Variants in PLXDC2 observed in about 807,000 individuals in gnomAD.
PLXDC2 encodes the protein plexin domain-containing protein 2.
PLXDC2 carries 40 observed loss-of-function variants against 68.9 expected under a neutral mutation model. The observed-to-expected ratio is 0.58, with a 90% CI of 0.45 to 0.76. The LOEUF is 0.76. Ranked by LOEUF, PLXDC2 falls within the 30% of genes least tolerant of loss-of-function variation. PLXDC2 has a pLI of 0.00. For missense variants in PLXDC2, 644 were observed against 661.9 expected (o/e 0.97, Z 0.30); for synonymous variants, 243 against 234.2 (o/e 1.04, Z -0.34).
At chr10:20,054,924 A>T (rs1188895967) in intron 3 of PLXDC2, among the ~76,000 whole-genome samples, 1 of 152,152 alleles carries the variant, frequency 6.6e-6, no homozygotes, top group Non-Finnish European at 1.5e-5. Context: ...ATTTCTATTT[A>T]TATCTTTCTA....
intron 9 of PLXDC2, among the ~76,000 whole-genome samples, chr10:20,207,980 T>C (rs1467412283): frequency 1.3e-5 from 2 of 152,050 alleles, no homozygotes; most frequent in Admixed American, 6.6e-5. Flanking sequence ...GAAAGAGCTA[T>C]CATGTGGACT....
At chr10:20,179,016 TA>T in intron 9 of PLXDC2, among the ~76,000 whole-genome samples, 1 of 152,142 alleles carries the variant, frequency 6.6e-6, no homozygotes, top group Non-Finnish European at 1.5e-5. Context: ...TATCAGAAGT[TA>T]TTCAAAATCT....
intron 4 of PLXDC2, among the ~76,000 whole-genome samples, chr10:20,081,755 G>T (rs1295018170): frequency 6.6e-6 from 1 of 152,038 alleles, no homozygotes; most frequent in East Asian, 1.9e-4. Flanking sequence ...AACAGGAGAA[G>T]TCTGGCCGGG....
chr10:20,209,610 C>T (rs772182973), intron 9 of PLXDC2, among the ~76,000 whole-genome samples: 3 of 151,904 alleles, frequency 2.0e-5, no homozygotes, highest in Non-Finnish European at 1.5e-5. Context: ...GGCTGTGTTC[C>T]GCCCGGCTCA....
In PLXDC2 at chr10:19,946,693, G is replaced by A. The variant is rs75722387; in HGVS notation, c.113-55082G>A. ...GATTCAAACACATTGCATTTATTGT[G>A]CACTTTATCTCAACTAGACAGTCCC... On this transcript the variant is annotated intron_variant, in intron 1 of 13. Transcript: ENST00000377252. Among the ~76,000 whole-genome samples the A allele has an allele frequency of 9.7e-3, 1,475 of 151,988 alleles. 25 individuals are homozygous for A. The highest frequency in any genetic ancestry group is 0.033 in the African/African-American group (1,371 of 41,428).
intron 1 of PLXDC2, among the ~76,000 whole-genome samples, chr10:19,972,972 G>T (rs1470942050): frequency 6.6e-6 from 1 of 151,914 alleles, no homozygotes; most frequent in African/African-American, 2.4e-5. Context: ...TTTTGCTAAA[G>T]GAAAAACCTA....
chr10:19,990,603 T>A (rs1834730652), intron 1 of PLXDC2, among the ~76,000 whole-genome samples: 1 of 152,192 alleles, frequency 6.6e-6, no homozygotes, highest in Admixed American at 6.5e-5. Flanking sequence ...TCTTAACTGG[T>A]TGTTTGTATG....
At chr10:20,266,764 T>C (rs1158511008) in intron 13 of PLXDC2, among the ~76,000 whole-genome samples, 1 of 152,312 alleles carries the variant, frequency 6.6e-6, no homozygotes, top group East Asian at 1.9e-4. Flanking sequence ...AAATATCATC[T>C]TATTCTTGGT....
At chr10:19,955,269 A>T (rs1834051736) in intron 1 of PLXDC2, among the ~76,000 whole-genome samples, 1 of 151,360 alleles carries the variant, frequency 6.6e-6, no homozygotes, top group African/African-American at 2.4e-5. Context: ...CCTGGCCTCA[A>T]GGGATCCTCC....
At chr10:20,115,687 C>T (rs1227922532) in intron 4 of PLXDC2, among the ~76,000 whole-genome samples, 1 of 152,128 alleles carries the variant, frequency 6.6e-6, no homozygotes, top group African/African-American at 2.4e-5. Context: ...CCCCATACTT[C>T]CCATATCTAA....
intron 11 of PLXDC2, 136 bp downstream of exon 11, chr10:20,217,712 TG>T (rs1319894371): frequency 6.9e-6 from 8 of 1,157,496 alleles, no homozygotes; most frequent in Admixed American, 8.2e-5. Flanking sequence ...TTTGGCAAAC[TG>T]GATTTCTAAG....
At chr10:19,925,207 C>G (rs1219510536) in intron 1 of PLXDC2, among the ~76,000 whole-genome samples, 1 of 151,920 alleles carries the variant, frequency 6.6e-6, no homozygotes, top group East Asian at 1.9e-4. Context: ...TGCAGCTCAG[C>G]TGGAACCAGG....
intron 9 of PLXDC2, among the ~76,000 whole-genome samples, chr10:20,187,847 GTATTT>G (rs758959510): frequency 6.1e-4 from 92 of 151,818 alleles, no homozygotes; most frequent in Non-Finnish European, 4.7e-4. Flanking sequence ...GTGTAAACAT[GTATTT>G]TAAATGTCTT....
In PLXDC2 at chr10:19,817,285, C is replaced by T; in HGVS notation, c.112+94C>T. 3 of 1,016,066 alleles carry T rather than the reference C, an allele frequency of 3.0e-6. No individual in the cohort carries two copies. The South Asian group carries it at 4.3e-5, about 14-fold the overall frequency. 62.9% of individuals were successfully genotyped at this position (1,016,066 alleles called of 1,614,324 possible). A position where few individuals can be genotyped will look rare whatever the true frequency, so the allele number is the denominator to read the frequency against. ...CCCTACCCTCTCCCCCCAACATCACCTATCTGCCCTTGGGAAACTTATTGC... is the reference window on the plus strand; with the variant it reads ...CCCTACCCTCTCCCCCCAACATCACTTATCTGCCCTTGGGAAACTTATTGC... On this transcript the variant is annotated intron_variant, in intron 1 of 13. Coordinates refer to ENST00000377252, the MANE Select transcript of PLXDC2 (RefSeq NM_032812.9).
At chr10:20,080,931 G>A (rs1479810395) in intron 4 of PLXDC2, among the ~76,000 whole-genome samples, 1 of 152,214 alleles carries the variant, frequency 6.6e-6, no homozygotes, top group African/African-American at 2.4e-5. Flanking sequence ...TAGAATTTCA[G>A]TGTGGATTGG....
chr10:19,923,377 A>G (rs1373237971), intron 1 of PLXDC2, among the ~76,000 whole-genome samples: 2 of 152,358 alleles, frequency 1.3e-5, no homozygotes, highest in East Asian at 1.9e-4. Context: ...TTGATGAAAC[A>G]TAAGCACATT....
Position 19,910,776 on chromosome 10 carries a change from C to T in PLXDC2, c.113-90999C>T, listed in dbSNP as rs572049001. Reference sequence around the variant, plus strand: ...CTGTAATCCCAGCACTTTGGGAGGCCGAGGCAGGTGAATCATGAGGTCAGG... The same window carrying T: ...CTGTAATCCCAGCACTTTGGGAGGCTGAGGCAGGTGAATCATGAGGTCAGG... On this transcript the variant is annotated intron_variant, in intron 1 of 13. Coordinates refer to ENST00000377252, the MANE Select transcript of PLXDC2 (RefSeq NM_032812.9). Among the ~76,000 whole-genome samples, 21 of 151,550 alleles carry T rather than the reference C, an allele frequency of 1.4e-4. No homozygotes were observed. The South Asian group carries it at 3.8e-3, about 27-fold the overall frequency.
intron 9 of PLXDC2, among the ~76,000 whole-genome samples, chr10:20,186,843 T>A (rs1367283621): frequency 6.6e-6 from 1 of 151,952 alleles, no homozygotes; most frequent in African/African-American, 2.4e-5. Flanking sequence ...TGATTTCACG[T>A]CTTTGCTATT....
At chr10:19,936,170 G>A (rs1175436552) in intron 1 of PLXDC2, among the ~76,000 whole-genome samples, 1 of 152,126 alleles carries the variant, frequency 6.6e-6, no homozygotes, top group Non-Finnish European at 1.5e-5. Flanking sequence ...TGGGTAACCA[G>A]AACCCAGATT....
Sources: allele counts gnomAD v4.1 joint callset (sites outside exome capture counted in the v4.1 genomes callset), GRCh38; gene constraint gnomAD v4.1.1; transcripts MANE v1.5; gene names NCBI Gene and HGNC (gene_info 2026-07-23, HGNC 2026-07-21).